The following SLCO1B1 variants were observed in gnomAD, a reference collection of about 807,000 sequenced individuals.
SLCO1B1 encodes the protein solute carrier organic anion transporter family member 1B1, also known as OATP-2.
SLCO1B1 carries 81 observed loss-of-function variants against 70.1 expected under a neutral mutation model. That is an observed-to-expected ratio of 1.16 (90% CI 0.97 to 1.39). SLCO1B1 has a LOEUF of 1.39. Among genes scored for constraint, SLCO1B1 ranks in the 40% most tolerant of loss-of-function variants. The pLI, the probability that SLCO1B1 is intolerant of heterozygous loss-of-function variation, is 0.00. For synonymous variants in SLCO1B1, 283 were observed against 271.5 expected (o/e 1.04, Z -0.42); for missense variants, 895 against 799.6 (o/e 1.12, Z -1.44).
Position 21,178,959 on chromosome 12 carries a change from T to A in SLCO1B1, c.666T>A (p.Ile222=). 1 of 1,612,506 alleles carries A rather than the reference T, an allele frequency of 6.2e-7. No homozygotes were observed. Among genetic ancestry groups the A allele is most frequent in the South Asian group, 1.1e-5 (1 of 91,054 alleles). Residue 222 remains isoleucine (I), a synonymous_variant, in exon 7 of 15, where the codon ATT becomes ATA. Transcript: ENST00000256958. ...CAATAGCAATGATTGGTCCAATCATTGGCTTTACCCTGGGATCTCTGTTTT... is the reference window on the plus strand; with the variant it reads ...CAATAGCAATGATTGGTCCAATCATAGGCTTTACCCTGGGATCTCTGTTTT... ...LNAIAMIGPI[I]GFTLGSLFSK...
At chr12:21,150,807 T>C (rs1242976476) in intron 2 of SLCO1B1, among the ~76,000 whole-genome samples, 1 of 152,224 alleles carries the variant, frequency 6.6e-6, no homozygotes, top group African/African-American at 2.4e-5. Flanking sequence ...GGATCATGTT[T>C]ACTTTTAATC....
intron 8 of SLCO1B1, among the ~76,000 whole-genome samples, chr12:21,199,124 C>T (rs1003055476): frequency 6.6e-6 from 1 of 151,912 alleles, no homozygotes; most frequent in Non-Finnish European, 1.5e-5. Context: ...ACTCCTTCTA[C>T]TCCTTATTTC....
intron 2 of SLCO1B1, among the ~76,000 whole-genome samples, chr12:21,161,502 T>A (rs987356630): frequency 4.0e-5 from 6 of 151,686 alleles, no homozygotes; most frequent in Non-Finnish European, 2.9e-5. Flanking sequence ...AACACTGGGG[T>A]CTAGCTGAGG....
At chr12:21,140,700 A>G (rs1158074499) in intron 1 of SLCO1B1, among the ~76,000 whole-genome samples, 1 of 152,080 alleles carries the variant, frequency 6.6e-6, no homozygotes, top group Non-Finnish European at 1.5e-5. Flanking sequence ...TTAAGTATAT[A>G]GAGAAGATAA....
intron 14 of SLCO1B1, among the ~76,000 whole-genome samples, chr12:21,235,036 A>C (rs867914024): frequency 6.6e-6 from 1 of 151,466 alleles, no homozygotes. Flanking sequence ...AGTATTCTCT[A>C]GATATCTATT....
At chr12:21,230,073 T>C (rs1427009413) in intron 14 of SLCO1B1, among the ~76,000 whole-genome samples, 1 of 152,128 alleles carries the variant, frequency 6.6e-6, no homozygotes, top group Non-Finnish European at 1.5e-5. Context: ...TTATTATAAA[T>C]GAGTGTTTGA....
intron 1 of SLCO1B1, among the ~76,000 whole-genome samples, chr12:21,137,012 G>A (rs12318078): frequency 2.6e-5 from 4 of 152,020 alleles, no homozygotes; most frequent in African/African-American, 9.7e-5. Context: ...GGTTTTTGGT[G>A]CGGATGTCCT....
intron 2 of SLCO1B1, among the ~76,000 whole-genome samples, chr12:21,159,703 T>G (rs897071494): frequency 2.0e-5 from 3 of 152,134 alleles, no homozygotes; most frequent in African/African-American, 4.8e-5. Context: ...ACTATCCCTG[T>G]TTGCAGGTGA....
At chr12:21,209,817 G>A (rs966457657) in intron 11 of SLCO1B1, among the ~76,000 whole-genome samples, 2 of 151,878 alleles carry the variant, frequency 1.3e-5, no homozygotes, top group African/African-American at 4.8e-5. Context: ...CAGTGATGAT[G>A]AGCATTTTTT....
intron 14 of SLCO1B1, among the ~76,000 whole-genome samples, chr12:21,236,048 A>G (rs1253675124): frequency 1.3e-5 from 2 of 152,042 alleles, no homozygotes; most frequent in Admixed American, 1.3e-4. Context: ...GTTGTTTTGT[A>G]TAGTATCTCA....
At chr12:21,203,979 G>A (rs1941185821) in intron 10 of SLCO1B1, among the ~76,000 whole-genome samples, 1 of 151,932 alleles carries the variant, frequency 6.6e-6, no homozygotes, top group Non-Finnish European at 1.5e-5. Flanking sequence ...GAGTTAAACA[G>A]AATTTGTTTC....
intron 14 of SLCO1B1, among the ~76,000 whole-genome samples, chr12:21,236,579 C>T (rs1034074531): frequency 6.6e-6 from 1 of 152,150 alleles, no homozygotes; most frequent in Non-Finnish European, 1.5e-5. Context: ...AAATTCCTAA[C>T]AATTTGGTGG....
At chr12:21,153,675 A>C (rs2121064195) in intron 2 of SLCO1B1, among the ~76,000 whole-genome samples, 1 of 152,208 alleles carries the variant, frequency 6.6e-6, no homozygotes, top group Non-Finnish European at 1.5e-5. Context: ...ATCATAATTG[A>C]AAGAAAGATG....
chr12:21,179,857 T>G (rs1940871621), intron 7 of SLCO1B1, among the ~76,000 whole-genome samples: 1 of 152,098 alleles, frequency 6.6e-6, no homozygotes, highest in African/African-American at 2.4e-5. Flanking sequence ...ATACAGTTTT[T>G]TATACCCCCA....
intron 14 of SLCO1B1, 80 bp downstream of exon 14, chr12:21,224,919 A>C (rs903319367): frequency 1.1e-5 from 8 of 722,032 alleles, no homozygotes; most frequent in African/African-American, 1.8e-5. Context: ...ATTATATAAT[A>C]ATATTAATAA....
chr12:21,134,227 T>C (rs1026364557), intron 1 of SLCO1B1, among the ~76,000 whole-genome samples: 31 of 152,274 alleles, frequency 2.0e-4, no homozygotes, highest in African/African-American at 7.0e-4. Flanking sequence ...CTGTTGGATT[T>C]GGTTTGCCAG....
In SLCO1B1 at chr12:21,217,354, C is replaced by A. The variant is rs546914843; in HGVS notation, c.1682+51C>A. On this transcript the variant is annotated intron_variant, in intron 12 of 14. Coordinates refer to ENST00000256958, the MANE Select transcript of SLCO1B1 (RefSeq NM_006446.5). The stretch of plus-strand genomic sequence containing the variant: ...TCATATGCATGAGACTATAAACACA[C>A]CTAATGATATGCATATTTTTACATA... 1.6e-4 allele frequency: 209 copies of A among 1,348,172 alleles called. 2 individuals are homozygous for A. The highest frequency in any genetic ancestry group is 6.3e-4 in the South Asian group (54 of 85,376). 83.5% of individuals were successfully genotyped at this position (1,348,172 alleles called of 1,614,324 possible).
intron 7 of SLCO1B1, among the ~76,000 whole-genome samples, chr12:21,194,346 G>C (rs1941067900): frequency 6.6e-6 from 1 of 151,986 alleles, no homozygotes; most frequent in Admixed American, 6.6e-5. Flanking sequence ...TCATAACAGA[G>C]GTGAGACTAG....
At chr12:21,231,852 T>TAA (rs201191844) in intron 14 of SLCO1B1, among the ~76,000 whole-genome samples, 4 of 151,816 alleles carry the variant, frequency 2.6e-5, no homozygotes, top group African/African-American at 9.7e-5. Flanking sequence ...TAGTGCCCTT[T>TAA]AAAAAAAATC....
Sources: allele counts gnomAD v4.1 joint callset (sites outside exome capture counted in the v4.1 genomes callset), GRCh38; gene constraint gnomAD v4.1.1; transcripts MANE v1.5; gene names NCBI Gene and HGNC (gene_info 2026-07-23, HGNC 2026-07-21).